TUT4: variants seen among roughly 807,000 people sequenced by gnomAD.
The protein encoded by TUT4 is terminal uridylyltransferase 4.
In TUT4, 36 loss-of-function variants were observed where a neutral mutation model predicts 192.2. That is an observed-to-expected ratio of 0.19 (90% CI 0.14 to 0.25). TUT4 has a LOEUF of 0.25. TUT4 is among the 10% of genes least tolerant of loss of function. The pLI is 1.00. For synonymous variants in TUT4, 618 were observed against 666.0 expected, an observed-to-expected ratio of 0.93 and a Z score of 1.11; for missense variants, 1,493 against 1,957.2, an observed-to-expected ratio of 0.76 and a Z score of 4.47.
At chr1:52,498,328 G>GCC (rs568062596) in intron 4 of TUT4, among the ~76,000 whole-genome samples, 6 of 144,744 alleles carry the variant, frequency 4.1e-5, no homozygotes, top group South Asian at 2.2e-4. Context: ...TGCAGGCTCC[G>GCC]CCCCCCCGGG....
intron 1 of TUT4, among the ~76,000 whole-genome samples, chr1:52,531,885 CTTTTTTTT>C (rs1158088077): frequency 6.6e-4 from 53 of 80,826 alleles, no homozygotes; most frequent in East Asian, 1.1e-3. Context: ...CTTTTCTCAT[CTTTTTTTT>C]TTTTTTTTTT....
At chr1:52,439,804 C>T (rs1456304120) in intron 24 of TUT4, among the ~76,000 whole-genome samples, 1 of 152,078 alleles carries the variant, frequency 6.6e-6, no homozygotes, top group Admixed American at 6.6e-5. Context: ...CATATTCTCA[C>T]AAAAATTTGC....
At chr1:52,519,698 G>A (rs899034899) in intron 2 of TUT4, among the ~76,000 whole-genome samples, 2 of 151,808 alleles carry the variant, frequency 1.3e-5, no homozygotes, top group Non-Finnish European at 2.9e-5. Context: ...TAGTAGAGAC[G>A]GGGTTTCGCC....
chr1:52,494,256 T>C (rs886917939), intron 6 of TUT4, among the ~76,000 whole-genome samples: 1 of 152,174 alleles, frequency 6.6e-6, no homozygotes, highest in Non-Finnish European at 1.5e-5. Context: ...AGAAATGAGT[T>C]GACCAGATGA....
chr1:52,520,853 C>T (rs1420181275), intron 2 of TUT4, among the ~76,000 whole-genome samples: 13 of 151,928 alleles, frequency 8.6e-5, no homozygotes, highest in East Asian at 5.8e-4. Flanking sequence ...GGTGCAATGA[C>T]GCGATCTCAG....
chr1:52,504,329 C>A (rs967032777), intron 4 of TUT4, among the ~76,000 whole-genome samples: 7 of 152,042 alleles, frequency 4.6e-5, no homozygotes, highest in African/African-American at 1.7e-4. Context: ...GGGTGAGTGA[C>A]CTTGCAAAAA....
chr1:52,530,771 G>A (rs1488207628), intron 1 of TUT4, among the ~76,000 whole-genome samples: 1 of 152,172 alleles, frequency 6.6e-6, no homozygotes, highest in Non-Finnish European at 1.5e-5. Context: ...AGGAGGCTGA[G>A]GTAGGCTGAT....
intron 7 of TUT4, among the ~76,000 whole-genome samples, chr1:52,492,362 T>C (rs1009752594): frequency 6.6e-6 from 1 of 152,204 alleles, no homozygotes; most frequent in African/African-American, 2.4e-5. Context: ...AAGCTCTCTC[T>C]TCTAACCCAA....
chr1:52,441,061 A>C (rs1035125829), intron 24 of TUT4, among the ~76,000 whole-genome samples: 1 of 152,166 alleles, frequency 6.6e-6, no homozygotes, highest in Non-Finnish European at 1.5e-5. Context: ...TCACAGATGA[A>C]GAGGTTGAAG....
intron 6 of TUT4, among the ~76,000 whole-genome samples, 177 bp from the exon 7 acceptor site, chr1:52,493,839 G>A (rs1353664128): frequency 6.7e-6 from 1 of 150,100 alleles, no homozygotes; most frequent in Non-Finnish European, 1.5e-5. Context: ...AGGTTTCCCT[G>A]TATTGTCCAG....
chr1:52,523,681 T>C lies in TUT4; in HGVS notation c.718+1882A>G, dbSNP rs1473783298. ...CCATGATGTTTACATTTTTCCCATA[T>C]CTAAACATTACCAGTATTATCACTT... On this transcript the variant is annotated intron_variant, in intron 2 of 29. Transcript: ENST00000257177. Among the ~76,000 whole-genome samples the C allele has an allele frequency of 2.0e-5, 3 of 152,144 alleles. No individual in the cohort carries two copies. In the East Asian group the frequency reaches 5.8e-4, roughly 29 times the overall value.
At chr1:52,489,394 G>A (rs1670590395) in intron 8 of TUT4, among the ~76,000 whole-genome samples, 2 of 152,170 alleles carry the variant, frequency 1.3e-5, no homozygotes, top group African/African-American at 4.8e-5. Context: ...GTCAAATAGT[G>A]CAAGGTAATT....
At chr1:52,465,892 C>T (rs1663972993) in intron 15 of TUT4, among the ~76,000 whole-genome samples, 1 of 150,810 alleles carries the variant, frequency 6.6e-6, no homozygotes. Flanking sequence ...TTTTTAGAGA[C>T]AGGGTCTTGC....
Position 52,494,111 on chromosome 1 carries a change from C to T in TUT4, c.1267-449G>A, listed in dbSNP as rs963674017. Among the ~76,000 whole-genome samples, 7 of 151,944 alleles carry T rather than the reference C, an allele frequency of 4.6e-5. No homozygotes were observed. The East Asian group carries it at 5.8e-4, about 13-fold the overall frequency. ...AGCCACCTTACCTGGCCATGTTTTACTTTTATGTCAACAAATCTTGTTCAA... is the reference window on the plus strand; with the variant it reads ...AGCCACCTTACCTGGCCATGTTTTATTTTTATGTCAACAAATCTTGTTCAA... On this transcript the variant is annotated intron_variant, in intron 6 of 29. Coordinates refer to ENST00000257177, the MANE Select transcript of TUT4 (RefSeq NM_001009881.3).
chr1:52,535,571 C>T (rs1442630095), intron 1 of TUT4, among the ~76,000 whole-genome samples: 2 of 152,136 alleles, frequency 1.3e-5, no homozygotes, highest in South Asian at 4.1e-4. Flanking sequence ...CCAACATATG[C>T]ATAATAGGAG....
intron 9 of TUT4, among the ~76,000 whole-genome samples, chr1:52,485,937 T>A (rs925164130): frequency 6.6e-6 from 1 of 152,058 alleles, no homozygotes; most frequent in African/African-American, 2.4e-5. Context: ...AATAATAATA[T>A]AGAGTAATTA....
intron 26 of TUT4, 103 bp downstream of exon 26, chr1:52,436,652 T>TA: frequency 1.3e-6 from 2 of 1,532,856 alleles, no homozygotes; most frequent in Non-Finnish European, 1.8e-6. Flanking sequence ...TCCAAAATCA[T>TA]ACAATTAGGT....
intron 29 of TUT4, 185 bp from the exon 30 acceptor site, chr1:52,424,187 G>A: frequency 3.4e-6 from 2 of 587,042 alleles, no homozygotes; most frequent in Non-Finnish European, 2.9e-6. Context: ...ACCTGTATGT[G>A]AAAAAAGGAG....
At chr1:52,483,606 T>G (rs1669048553) in intron 9 of TUT4, among the ~76,000 whole-genome samples, 2 of 152,022 alleles carry the variant, frequency 1.3e-5, no homozygotes, top group South Asian at 4.1e-4. Context: ...GGTCAGGAGT[T>G]CGAGACCAGC....
Sources: allele counts gnomAD v4.1 joint callset (sites outside exome capture counted in the v4.1 genomes callset), GRCh38; gene constraint gnomAD v4.1.1; transcripts MANE v1.5; gene names NCBI Gene and HGNC (gene_info 2026-07-23, HGNC 2026-07-21).